The following YKT6 variants were observed in gnomAD, a reference collection of about 807,000 sequenced individuals.
The protein encoded by YKT6 is synaptobrevin homolog YKT6.
In YKT6, 12 loss-of-function variants were observed where a neutral mutation model predicts 29.3. That is an observed-to-expected ratio of 0.41 (90% CI 0.26 to 0.66). YKT6 has a LOEUF of 0.66. YKT6 is among the 30% of genes least tolerant of loss of function. YKT6 has a pLI of 0.32. For missense variants in YKT6, 188 were observed against 243.8 expected (o/e 0.77, Z 1.52); for synonymous variants, 86 against 94.3 (o/e 0.91, Z 0.51).
At chr7:44,210,722 G>T in intron 5 of YKT6, 2 of 440,106 alleles carry the variant, frequency 4.5e-6, no homozygotes, top group South Asian at 3.5e-5. Flanking sequence ...AAATGTGTGT[G>T]TATATATATA....
Position 44,212,475 on chromosome 7 carries a change from T to C in YKT6, c.*193T>C. The C allele has an allele frequency of 3.1e-6, 2 of 653,878 alleles. No individual in the cohort carries two copies. Among genetic ancestry groups the C allele is most frequent in the Non-Finnish European group, 4.9e-6 (2 of 404,724 alleles). 40.5% of individuals were successfully genotyped at this position (653,878 alleles called of 1,614,324 possible). Reference sequence around the variant, plus strand: ...TTCAAATTCATATGTGTGGTAGTGATTCTTGGAAAGAATTTGAGGTCCCCA... The same window carrying C: ...TTCAAATTCATATGTGTGGTAGTGACTCTTGGAAAGAATTTGAGGTCCCCA... On this transcript the variant is annotated 3_prime_UTR_variant, in exon 7 of 7. Coordinates refer to ENST00000223369, the MANE Select transcript of YKT6 (RefSeq NM_006555.4).
chr7:44,202,833 T>G (rs1451182104), intron 1 of YKT6, among the ~76,000 whole-genome samples: 1 of 152,242 alleles, frequency 6.6e-6, no homozygotes, highest in Non-Finnish European at 1.5e-5. Flanking sequence ...TTCTTGGTCT[T>G]TGCAGTCTTT....
At position 44,201,207 on chromosome 7, in the gene YKT6, T is replaced by G; in HGVS notation, c.72T>G (p.Asp24Glu). The G allele has an allele frequency of 1.2e-6, 2 of 1,612,760 alleles. No homozygotes were observed. The highest frequency in any genetic ancestry group is 1.7e-6 in the Non-Finnish European group (2 of 1,179,338). ...AKVVLLKAAY[D>E]VSSFSFFQRS... is the part of the protein sequence containing the mutation. Reference sequence around the variant, plus strand: ...TGGTGCTGCTCAAAGCCGCATACGATGTGTCTTCCTTCAGCTTTTTCCAGA... The same window carrying G: ...TGGTGCTGCTCAAAGCCGCATACGAGGTGTCTTCCTTCAGCTTTTTCCAGA... The change falls in exon 1 of 7, where the codon GAT (aspartate) becomes GAG (glutamate). Residue 24 changes from aspartate to glutamate, a missense_variant. By Grantham distance (45) the Asp-to-Glu change is conservative. Transcript: ENST00000223369.
At chr7:44,207,782 A>C (rs1211797562) in intron 4 of YKT6, among the ~76,000 whole-genome samples, 1 of 151,498 alleles carries the variant, frequency 6.6e-6, no homozygotes, top group Non-Finnish European at 1.5e-5. Flanking sequence ...GCTGGAGTGC[A>C]GTGGCGCAAT....
At chr7:44,202,184 A>AGT (rs2096336464) in intron 1 of YKT6, among the ~76,000 whole-genome samples, 1 of 152,010 alleles carries the variant, frequency 6.6e-6, no homozygotes. Context: ...GTTCTTGATG[A>AGT]GAGTTCTTTG....
intron 2 of YKT6, among the ~76,000 whole-genome samples, chr7:44,205,178 T>C (rs2096339582): frequency 6.6e-6 from 1 of 152,188 alleles, no homozygotes. Context: ...TCACGTGACA[T>C]AGAGTTACTG....
chr7:44,211,643 TGGCCCA>T, intron 6 of YKT6: 2 of 998,874 alleles, frequency 2.0e-6, no homozygotes, highest in South Asian at 4.4e-5. Context: ...ATGGCACTGT[TGGCCCA>T]TGGTTGGATA....
Position 44,201,023 on chromosome 7 carries a change from GC to G in YKT6, c.-111del, listed in dbSNP as rs2096334698. Reference sequence around the variant, plus strand: ...GAAGCCGGCGGTGGCCCCGTCAGCAGCCGGCTGCTGAGAGGCCGGTAGGCGG... The same window carrying G: ...GAAGCCGGCGGTGGCCCCGTCAGCAGCGGCTGCTGAGAGGCCGGTAGGCGG... On this transcript the variant is annotated 5_prime_UTR_variant, in exon 1 of 7. Coordinates refer to ENST00000223369, the MANE Select transcript of YKT6 (RefSeq NM_006555.4). 3.6e-6 allele frequency: 3 copies of G among 834,388 alleles called. No homozygotes were observed. The highest frequency in any genetic ancestry group is 5.3e-6 in the Non-Finnish European group (3 of 565,984). The allele number at this position is 834,388 out of a possible 1,614,324, so 51.7% of individuals were successfully genotyped here.
chr7:44,205,923 A>C (rs140431553), intron 2 of YKT6, among the ~76,000 whole-genome samples: 66 of 152,256 alleles, frequency 4.3e-4, no homozygotes, highest in African/African-American at 1.5e-3. Flanking sequence ...CCTGGGGGGT[A>C]ATTTCCTGTC....
In YKT6 at chr7:44,201,217, T is replaced by C. The variant is rs370881857; in HGVS notation, c.82T>C (p.Phe28Leu). 6.2e-7 allele frequency: 1 copy of C among 1,612,810 alleles called. No individual in the cohort carries two copies. The highest frequency in any genetic ancestry group is 8.5e-7 in the Non-Finnish European group (1 of 1,179,358). ...CAAAGCCGCATACGATGTGTCTTCC[T>C]TCAGCTTTTTCCAGAGATCCAGGTG... ...LLKAAYDVSSFSFFQRSSVQE... is the reference protein window; with the variant it reads ...LLKAAYDVSSLSFFQRSSVQE... The change falls in exon 1 of 7, where the codon TTC (phenylalanine) becomes CTC (leucine). Residue 28 changes from phenylalanine to leucine, a missense_variant. Physicochemically the swap from Phe to Leu is conservative, Grantham distance 22. Around this residue, in one of 3 missense-constraint regions of YKT6, gnomAD observed 71 missense variants for 67.3 expected, o/e 1.05. Coordinates refer to ENST00000223369, the MANE Select transcript of YKT6 (RefSeq NM_006555.4).
In YKT6 at chr7:44,207,384, G is replaced by A; in HGVS notation, c.289-4G>A. On this transcript the variant is annotated splice_region_variant and splice_polypyrimidine_tract_variant and intron_variant, in intron 3 of 6. Transcript: ENST00000223369. ...AGGCTTGTTGAGTCTCCTTTGTCTT[G>A]CAGGTACTAGATGAATTCTCCAAGC... 1.2e-6 allele frequency: 2 copies of A among 1,613,738 alleles called. No homozygotes were observed. Among genetic ancestry groups the A allele is most frequent in the Non-Finnish European group, 1.7e-6 (2 of 1,179,790 alleles).
At chr7:44,212,202 A>G in intron 6 of YKT6, 45 bp from the exon 7 acceptor site, 1 of 1,613,332 alleles carries the variant, frequency 6.2e-7, no homozygotes, top group Non-Finnish European at 8.5e-7. Flanking sequence ...GGCTTCCCTT[A>G]CTTCGTCAGT....
chr7:44,210,726 A>C, intron 5 of YKT6: 1 of 463,166 alleles, frequency 2.2e-6, no homozygotes. Flanking sequence ...GTGTGTGTAT[A>C]TATATATATG....
rs1213662545 is a variant in YKT6 at position 44,206,624 on chromosome 7, C to A, written c.288+139C>A. 6.3e-6 allele frequency: 5 copies of A among 793,440 alleles called. No homozygotes were observed. In the Admixed American group the frequency reaches 6.3e-5, roughly 10 times the overall value. The allele number at this position is 793,440 out of a possible 1,614,324, so 49.1% of individuals were successfully genotyped here. On this transcript the variant is annotated intron_variant, in intron 3 of 6. Coordinates refer to ENST00000223369, the MANE Select transcript of YKT6 (RefSeq NM_006555.4). ...AGTCAACACATTTTTCAGCCCCCTT[C>A]CCTGCAACCCAAGAGACAATTTGGC...
Position 44,206,461 on chromosome 7 carries a change from G to C in YKT6, c.264G>C (p.Arg88=). Residue 88 remains arginine, a synonymous_variant, in exon 3 of 7, where the codon CGG becomes CGC. Transcript: ENST00000223369. ...VVIADNEYPS[R]VAFTLLEKVL... ...TTGCTGACAATGAATACCCATCCCG[G>C]GTGGCCTTTACCTTGCTGGAGAAGG... 6.2e-7 allele frequency: 1 copy of C among 1,614,042 alleles called. No individual in the cohort carries two copies. Among genetic ancestry groups the C allele is most frequent in the Non-Finnish European group, 8.5e-7 (1 of 1,180,028 alleles).
intron 2 of YKT6, among the ~76,000 whole-genome samples, chr7:44,204,868 A>G (rs566917986): frequency 1.3e-5 from 2 of 152,326 alleles, no homozygotes; most frequent in African/African-American, 4.8e-5. Context: ...GACTCATTTA[A>G]GATTAGGGTC....
chr7:44,208,948 T>C (rs1189743598), intron 5 of YKT6, among the ~76,000 whole-genome samples: 1 of 152,052 alleles, frequency 6.6e-6, no homozygotes, highest in African/African-American at 2.4e-5. Context: ...TAACTCACAG[T>C]CTCCTGACTG....
Position 44,201,052 on chromosome 7 carries a change from G to A in YKT6, c.-84G>A, listed in dbSNP as rs1204839071. The A allele has an allele frequency of 5.8e-6, 7 of 1,212,836 alleles. No homozygotes were observed. The East Asian group carries it at 1.2e-4, about 21-fold the overall frequency. 75.1% of individuals were successfully genotyped at this position (1,212,836 alleles called of 1,614,324 possible). ...GCTGCTGAGAGGCCGGTAGGCGGCGGCGGTCCCGAGGGGCGGCGGCCGCGC... is the reference window on the plus strand; with the variant it reads ...GCTGCTGAGAGGCCGGTAGGCGGCGACGGTCCCGAGGGGCGGCGGCCGCGC... On this transcript the variant is annotated 5_prime_UTR_variant, in exon 1 of 7. Transcript: ENST00000223369.
Position 44,207,454 on chromosome 7 carries a change from C to T in YKT6, c.355C>T (p.His119Tyr). The change falls in exon 4 of 7, where the codon CAT becomes TAT. Residue 119 changes from histidine to tyrosine, a missense_variant. Around this residue, in one of 3 missense-constraint regions of YKT6, gnomAD observed 100 missense variants for 136.3 expected, o/e 0.73. Coordinates refer to ENST00000223369, the MANE Select transcript of YKT6 (RefSeq NM_006555.4). ...GCCAGTAGGATCCCCTGCTACAATC[C>T]ATTACCCAGCCCTGGATGGTCACCT... is the stretch of plus-strand genomic sequence containing the variant. The part of the protein sequence containing the change: ...DWPVGSPATI[H>Y]YPALDGHLSR... 6.2e-7 allele frequency: 1 copy of T among 1,614,128 alleles called. No homozygotes were observed. Among genetic ancestry groups the T allele is most frequent in the Non-Finnish European group, 8.5e-7 (1 of 1,180,002 alleles).
Sources: allele counts gnomAD v4.1 joint callset (sites outside exome capture counted in the v4.1 genomes callset), GRCh38; gene constraint gnomAD v4.1.1; regional missense constraint gnomAD v4.1.1; transcripts MANE v1.5; gene names NCBI Gene and HGNC (gene_info 2026-07-23, HGNC 2026-07-21).